The following KCTD20 variants were observed in gnomAD, a reference collection of about 807,000 sequenced individuals.
KCTD20 encodes potassium channel tetramerization domain containing 20.
In KCTD20, 30 loss-of-function variants were observed where a neutral mutation model predicts 39.6. That is an observed-to-expected ratio of 0.76 (90% CI 0.57 to 1.03). The LOEUF (loss-of-function observed/expected upper bound fraction) is 1.03. Ranked by LOEUF, KCTD20 falls within the 50% of genes least tolerant of loss-of-function variation. KCTD20 has a pLI of 0.00. For missense variants in KCTD20, 422 were observed against 522.0 expected (o/e 0.81, Z 1.87); for synonymous variants, 162 against 180.6 (o/e 0.90, Z 0.83).
chr6:36,478,649 T>A (rs1776145332), intron 3 of KCTD20, among the ~76,000 whole-genome samples: 1 of 151,850 alleles, frequency 6.6e-6, no homozygotes, highest in Non-Finnish European at 1.5e-5. Flanking sequence ...AGCTCAGAAA[T>A]ATTGATGAAT....
chr6:36,478,867 G>A lies in KCTD20; in HGVS notation c.435-254G>A, dbSNP rs982543210. The stretch of plus-strand genomic sequence containing the variant: ...TTTACTGCCAAAGAAACTCACTACA[G>A]ATGAACTTTGTGGACTTGATCCTTC... On this transcript the variant is annotated intron_variant, in intron 3 of 7. Transcript: ENST00000373731. Among the ~76,000 whole-genome samples the A allele has an allele frequency of 1.3e-4, 20 of 152,336 alleles. No individual in the cohort carries two copies. In the South Asian group the frequency reaches 3.3e-3, roughly 25 times the overall value.
At chr6:36,479,092 G>A in intron 3 of KCTD20, 29 bp from the exon 4 acceptor site, 1 of 1,404,748 alleles carries the variant, frequency 7.1e-7, no homozygotes, top group Non-Finnish European at 1.0e-6. Context: ...TGATGGAGAA[G>A]ATAACATTAT....
Position 36,474,802 on chromosome 6 carries a change from C to A in KCTD20, c.174C>A (p.Asp58Glu), listed in dbSNP as rs758508490. Residue 58 changes from aspartate to glutamate, a missense_variant, in exon 3 of 8, where the codon GAC becomes GAA. Asp to Glu is a conservative substitution (Grantham distance 45). Transcript: ENST00000373731. ...ATGTTCTTTTAGACCTCTCACTTGA[C>A]TATGCCTCTCAGCCAGCAAATCTTC... is the stretch of plus-strand genomic sequence containing the variant. ...LGPRNEDLSL[D>E]YASQPANLQF... 6.2e-7 allele frequency: 1 copy of A among 1,609,684 alleles called. No individual in the cohort carries two copies. Among genetic ancestry groups the A allele is most frequent in the East Asian group, 2.2e-5 (1 of 44,772 alleles).
At chr6:36,475,838 G>C (rs1260636595) in intron 3 of KCTD20, among the ~76,000 whole-genome samples, 1 of 152,044 alleles carries the variant, frequency 6.6e-6, no homozygotes, top group Non-Finnish European at 1.5e-5. Context: ...GCCATCTATT[G>C]CAAGTTTTAT....
intron 1 of KCTD20, among the ~76,000 whole-genome samples, chr6:36,457,509 A>T (rs1412892624): frequency 6.6e-6 from 1 of 152,070 alleles, no homozygotes; most frequent in Non-Finnish European, 1.5e-5. Context: ...CAAGTTAGAG[A>T]CCAGTTTAGG....
chr6:36,480,895 G>T (rs1175579769), intron 5 of KCTD20, among the ~76,000 whole-genome samples: 2 of 152,166 alleles, frequency 1.3e-5, no homozygotes, highest in Non-Finnish European at 2.9e-5. Flanking sequence ...TATAGATACG[G>T]ACTTGCTTAA....
chr6:36,456,256 A>G (rs557260493), intron 1 of KCTD20, among the ~76,000 whole-genome samples: 1 of 152,272 alleles, frequency 6.6e-6, no homozygotes, highest in Admixed American at 6.5e-5. Context: ...CAGCCTGGGC[A>G]ACATAGCAAG....
At chr6:36,461,615 A>T (rs1274417245) in intron 1 of KCTD20, among the ~76,000 whole-genome samples, 1 of 152,220 alleles carries the variant, frequency 6.6e-6, no homozygotes, top group Non-Finnish European at 1.5e-5. Flanking sequence ...CAAGTAACTC[A>T]CATAGCCTTT....
intron 6 of KCTD20, among the ~76,000 whole-genome samples, chr6:36,483,263 CTTTTTT>C (rs766717414): frequency 1.8e-4 from 14 of 76,730 alleles, no homozygotes; most frequent in African/African-American, 4.9e-4. Context: ...GTGGCTTTTT[CTTTTTT>C]TTTTTTTTTT....
At chr6:36,464,780 TA>T (rs1455483016) in intron 1 of KCTD20, among the ~76,000 whole-genome samples, 3 of 152,172 alleles carry the variant, frequency 2.0e-5, no homozygotes, top group Non-Finnish European at 4.4e-5. Flanking sequence ...GGTTTTCACA[TA>T]AGAACAGACT....
intron 1 of KCTD20, among the ~76,000 whole-genome samples, chr6:36,448,332 GA>G (rs1266713750): frequency 6.6e-6 from 1 of 152,058 alleles, no homozygotes; most frequent in Non-Finnish European, 1.5e-5. Flanking sequence ...AATTATGGAG[GA>G]AAGTTACAAT....
chr6:36,446,640 A>C (rs934172920), intron 1 of KCTD20, among the ~76,000 whole-genome samples: 1 of 152,218 alleles, frequency 6.6e-6, no homozygotes, highest in East Asian at 1.9e-4. Context: ...AAAAATTAAA[A>C]AACGAACAAA....
chr6:36,471,479 T>A (rs980708150), intron 2 of KCTD20, among the ~76,000 whole-genome samples: 2 of 152,208 alleles, frequency 1.3e-5, no homozygotes, highest in African/African-American at 4.8e-5. Flanking sequence ...ATTTACTTTG[T>A]AGCGCTTTAT....
chr6:36,463,675 C>T (rs528611230), intron 1 of KCTD20, among the ~76,000 whole-genome samples: 4 of 152,276 alleles, frequency 2.6e-5, no homozygotes, highest in East Asian at 1.9e-4. Flanking sequence ...CATGTGAGGA[C>T]GCCTGGATGC....
intron 3 of KCTD20, among the ~76,000 whole-genome samples, chr6:36,477,478 TTTC>T (rs1258996669): frequency 6.5e-5 from 9 of 138,910 alleles, no homozygotes; most frequent in African/African-American, 2.6e-4. Context: ...ATCATTTTCT[TTTC>T]TTTTTTTTTT....
chr6:36,445,218 C>T (rs563081310), intron 1 of KCTD20, among the ~76,000 whole-genome samples: 53 of 145,080 alleles, frequency 3.7e-4, no homozygotes, highest in South Asian at 1.5e-3. Context: ...GCCGAGATCG[C>T]GCCATTGTAC....
intron 5 of KCTD20, among the ~76,000 whole-genome samples, chr6:36,480,593 G>A (rs921983369): frequency 2.6e-5 from 4 of 151,702 alleles, no homozygotes; most frequent in East Asian, 3.9e-4. Context: ...CAAGAGTCTC[G>A]TTCTGTCGCC....
chr6:36,447,843 G>A (rs962441180), intron 1 of KCTD20, among the ~76,000 whole-genome samples: 1 of 151,168 alleles, frequency 6.6e-6, no homozygotes, highest in African/African-American at 2.4e-5. Flanking sequence ...ATATAAAAAT[G>A]AGCCAGGTGT....
At chr6:36,452,915 T>C (rs934174002) in intron 1 of KCTD20, among the ~76,000 whole-genome samples, 1 of 151,704 alleles carries the variant, frequency 6.6e-6, no homozygotes, top group Admixed American at 6.6e-5. Flanking sequence ...TAGAGTTGAG[T>C]GGTTTAGTAT....
Sources: gnomAD v4.1 joint callset for allele counts (sites outside exome capture counted in the v4.1 genomes callset) on GRCh38, gnomAD v4.1.1 for gene constraint, MANE v1.5 for transcripts, NCBI Gene and HGNC (gene_info 2026-07-23, HGNC 2026-07-21) for gene names.